The following NSD1 variants were observed in gnomAD, a reference collection of about 807,000 sequenced individuals.
NSD1 encodes the protein nuclear receptor binding SET domain protein 1, also known as histone-lysine N-methyltransferase, H3 lysine-36 specific.
In NSD1, 26 loss-of-function variants were observed where a neutral mutation model predicts 242.7. That is an observed-to-expected ratio of 0.11 (90% CI 0.08 to 0.15). The LOEUF is 0.15. NSD1 is among the 10% of genes least tolerant of loss of function. The probability of loss-of-function intolerance (pLI) is 1.00; values close to 1 mark genes in which losing one functional copy is unlikely to be tolerated. For missense variants in NSD1, 2,495 were observed against 3,272.8 expected (o/e 0.76, Z 5.80); for synonymous variants, 1,106 against 1,178.1 (o/e 0.94, Z 1.25).
In NSD1 at chr5:177,240,322, C is replaced by G. The variant is rs781631932; in HGVS notation, c.4302+457C>G. On this transcript the variant is annotated intron_variant, in intron 8 of 22. Transcript: ENST00000439151. ...TTGGCTCACTGTAATCTCTGCCTCC[C>G]AGGCTCACCAGTTAATTTTTTGTCT... Among the ~76,000 whole-genome samples the G allele has an allele frequency of 1.3e-4, 20 of 152,180 alleles. No individual in the cohort carries two copies. In the Middle Eastern group the frequency reaches 0.01, roughly 78 times the overall value.
At chr5:177,290,788 T>C (rs1759756426) in intron 21 of NSD1, among the ~76,000 whole-genome samples, 1 of 152,242 alleles carries the variant, frequency 6.6e-6, no homozygotes, top group African/African-American at 2.4e-5. Flanking sequence ...TGGATTTTAT[T>C]GTGCTTTTTG....
At chr5:177,174,116 C>G (rs1759967378) in intron 2 of NSD1, among the ~76,000 whole-genome samples, 1 of 152,018 alleles carries the variant, frequency 6.6e-6, no homozygotes, top group African/African-American at 2.4e-5. Context: ...CCTGTAATCC[C>G]AGCACTTTGG....
At chr5:177,279,496 T>C (rs955825784) in intron 17 of NSD1, among the ~76,000 whole-genome samples, 3 of 150,240 alleles carry the variant, frequency 2.0e-5, no homozygotes, top group African/African-American at 7.4e-5. Flanking sequence ...AGACTCCCTC[T>C]CAAAAAAAGG....
intron 2 of NSD1, among the ~76,000 whole-genome samples, chr5:177,147,323 T>C (rs1422782105): frequency 6.6e-6 from 1 of 152,134 alleles, no homozygotes; most frequent in Non-Finnish European, 1.5e-5. Context: ...CTCAAGCTCG[T>C]CTTGAACTCG....
At chr5:177,257,832 A>T (rs1267249780) in intron 13 of NSD1, among the ~76,000 whole-genome samples, 22 of 146,890 alleles carry the variant, frequency 1.5e-4, no homozygotes, top group African/African-American at 5.5e-4. Flanking sequence ...ATTTTATTTT[A>T]TTTTATTTTA....
chr5:177,230,101 T>A (rs1359852072), intron 5 of NSD1, among the ~76,000 whole-genome samples: 1 of 152,042 alleles, frequency 6.6e-6, no homozygotes, highest in African/African-American at 2.4e-5. Context: ...ACTTACAATA[T>A]GTTACTCTAT....
rs138632026 is a variant in NSD1, at chr5:177,243,289, G to A, written c.4303-906G>A. 5.6e-3 allele frequency among the ~76,000 whole-genome samples: 850 copies of A among 152,006 alleles called. 3 individuals are homozygous for A. Among genetic ancestry groups the A allele is most frequent in the Non-Finnish European group, 9.9e-3 (672 of 67,922 alleles). On this transcript the variant is annotated intron_variant, in intron 8 of 22. Coordinates refer to ENST00000439151, the MANE Select transcript of NSD1 (RefSeq NM_022455.5). ...AACCTCCGCCTCCTGGGTTCAAACA[G>A]TTCTCCTGCTTCAGCCTCCCGAGTA...
rs893693350 is a variant in NSD1 at position 177,273,334 on chromosome 5, G to T, written c.5510-338G>T. On this transcript the variant is annotated intron_variant, in intron 16 of 22. Coordinates refer to ENST00000439151, the MANE Select transcript of NSD1 (RefSeq NM_022455.5). Reference sequence around the variant, plus strand: ...AGCTAAAAAAAAAAAAAAAAAAAAAGTCCATGCATAATTTTTATGATATCC... The same window carrying T: ...AGCTAAAAAAAAAAAAAAAAAAAAATTCCATGCATAATTTTTATGATATCC... 2.6e-4 allele frequency among the ~76,000 whole-genome samples: 12 copies of T among 46,116 alleles called. No homozygotes were observed. In the East Asian group the frequency reaches 7.4e-3, roughly 28 times the overall value. 30.3% of individuals were successfully genotyped at this position (46,116 alleles called of 152,430 possible).
intron 2 of NSD1, among the ~76,000 whole-genome samples, chr5:177,190,322 C>T (rs1209818003): frequency 1.3e-5 from 2 of 152,146 alleles, no homozygotes; most frequent in African/African-American, 4.8e-5. Context: ...CTCTGTTGCC[C>T]AGGCCGGCGT....
At chr5:177,226,601 T>C (rs959435163) in intron 5 of NSD1, among the ~76,000 whole-genome samples, 2 of 152,186 alleles carry the variant, frequency 1.3e-5, no homozygotes, top group African/African-American at 4.8e-5. Flanking sequence ...ACCACAGCCG[T>C]GTACTACCAT....
chr5:177,192,156 G>T lies in NSD1; in HGVS notation c.1063+137G>T, dbSNP rs1387127444. On this transcript the variant is annotated intron_variant, in intron 3 of 22. Transcript: ENST00000439151. Reference sequence around the variant, plus strand: ...TGGTGTTACATATTTTATCTTTTGGGGCTTTTAAAAGTTCGTTTTACTCTA... The same window carrying T: ...TGGTGTTACATATTTTATCTTTTGGTGCTTTTAAAAGTTCGTTTTACTCTA... The T allele has an allele frequency of 7.6e-6, 6 of 790,892 alleles. No individual in the cohort carries two copies. The East Asian group carries it at 1.7e-4, about 23-fold the overall frequency. 49.0% of individuals were successfully genotyped at this position (790,892 alleles called of 1,614,324 possible).
At chr5:177,283,555 C>G (rs1254261979) in intron 19 of NSD1, among the ~76,000 whole-genome samples, 3 of 152,316 alleles carry the variant, frequency 2.0e-5, no homozygotes, top group Admixed American at 1.3e-4. Flanking sequence ...ACAGTCTCTG[C>G]TTTAGTGTAT....
chr5:177,283,115 G>A (rs777814254), intron 19 of NSD1, among the ~76,000 whole-genome samples: 8 of 152,056 alleles, frequency 5.3e-5, no homozygotes, highest in Non-Finnish European at 1.2e-4. Context: ...CACCACGCCC[G>A]GCTAATTTTT....
intron 2 of NSD1, among the ~76,000 whole-genome samples, chr5:177,155,561 C>CTTTTTTTTTTTTTTTTTTTTTTTT (rs58025377): frequency 1.0e-5 from 1 of 96,608 alleles, no homozygotes; most frequent in African/African-American, 3.5e-5. Flanking sequence ...ACCGCACTGG[C>CTTTTTTTTTTTTTTTTTTTTTTTT]TTTTTTTTTT....
chr5:177,252,794 TCCC>T (rs1227846776), intron 12 of NSD1, among the ~76,000 whole-genome samples: 5 of 131,894 alleles, frequency 3.8e-5, no homozygotes, highest in South Asian at 2.3e-4. Flanking sequence ...GCTCTCTCTC[TCCC>T]TTTTTTTTTT....
In NSD1 at chr5:177,211,825, C is replaced by G; in HGVS notation, c.3426C>G (p.Asn1142Lys). ...GKGPELDSVM[N>K]SENDELNGVN... ...GCCCAGAGCTGGACTCTGTAATGAA[C>G]AGTGAGAATGATGAACTCAATGGTG... The change falls in exon 5 of 23, where the codon AAC becomes AAG. Residue 1142 changes from asparagine to lysine, a missense_variant. Around this residue, in one of 19 missense-constraint regions of NSD1, gnomAD observed 426 missense variants for 411.4 expected, o/e 1.04. Transcript: ENST00000439151. 6.2e-7 allele frequency: 1 copy of G among 1,614,130 alleles called. No individual in the cohort carries two copies. Among genetic ancestry groups the G allele is most frequent in the Non-Finnish European group, 8.5e-7 (1 of 1,180,030 alleles).
At chr5:177,181,053 T>C (rs1456407943) in intron 2 of NSD1, among the ~76,000 whole-genome samples, 1 of 151,774 alleles carries the variant, frequency 6.6e-6, no homozygotes, top group Admixed American at 6.6e-5. Flanking sequence ...TTTTTTTTTT[T>C]TTTGAGATGG....
rs187379641 is a variant in NSD1 at position 177,182,593 on chromosome 5, T to C, written c.928-9291T>C. Among the ~76,000 whole-genome samples the C allele has an allele frequency of 1.1e-3, 160 of 152,200 alleles. 1 individual carries two copies. Among genetic ancestry groups the C allele is most frequent in the African/African-American group, 3.7e-3 (152 of 41,530 alleles). ...CCCAACTAAGTCTGGCTTTGTTTTT[T>C]CCTCCCCTCCCTTCCCCTCCCCTCC... On this transcript the variant is annotated intron_variant, in intron 2 of 22. Coordinates refer to ENST00000439151, the MANE Select transcript of NSD1 (RefSeq NM_022455.5).
At chr5:177,249,220 T>C (rs1248507703) in intron 11 of NSD1, among the ~76,000 whole-genome samples, 3 of 152,106 alleles carry the variant, frequency 2.0e-5, no homozygotes, top group African/African-American at 7.2e-5. Context: ...ATACCTACAA[T>C]CACAGTGCTT....
Sources: allele counts gnomAD v4.1 joint callset (sites outside exome capture counted in the v4.1 genomes callset), GRCh38; gene constraint gnomAD v4.1.1; regional missense constraint gnomAD v4.1.1; transcripts MANE v1.5; gene names NCBI Gene and HGNC (gene_info 2026-07-23, HGNC 2026-07-21).